KHDRBS2: variants seen among roughly 807,000 people sequenced by gnomAD.
The protein encoded by KHDRBS2 is KH RNA binding domain containing, signal transduction associated 2, also known as KH domain-containing, RNA-binding, signal transduction-associated protein 2.
A neutral mutation model predicts 44.3 loss-of-function variants in KHDRBS2; 26 were observed. The observed-to-expected ratio is 0.59, with a 90% CI of 0.43 to 0.81. The LOEUF (loss-of-function observed/expected upper bound fraction) is 0.81. KHDRBS2 is among the 40% of genes least tolerant of loss of function. The pLI, the probability that KHDRBS2 is intolerant of heterozygous loss-of-function variation, is 0.00. For synonymous variants in KHDRBS2, 194 were observed against 151.1 expected (o/e 1.28, Z -2.08); for missense variants, 476 against 433.1 (o/e 1.10, Z -0.88).
Position 61,957,374 on chromosome 6 carries a change from A to T in KHDRBS2, c.483+20692T>A, listed in dbSNP as rs1767613401. 2.6e-5 allele frequency among the ~76,000 whole-genome samples: 4 copies of T among 152,244 alleles called. No homozygotes were observed. In the South Asian group the frequency reaches 8.3e-4, roughly 32 times the overall value. ...TTAAACTCTTGACTGCCGGTGAGCC[A>T]GGTGGAACAGAGCCATATTTCTCTT... On this transcript the variant is annotated intron_variant, in intron 4 of 8. Coordinates refer to ENST00000281156, the MANE Select transcript of KHDRBS2 (RefSeq NM_152688.4).
At chr6:62,278,253 T>A (rs986246205) in intron 1 of KHDRBS2, among the ~76,000 whole-genome samples, 1 of 152,154 alleles carries the variant, frequency 6.6e-6, no homozygotes, top group Non-Finnish European at 1.5e-5. Flanking sequence ...CTCAAATAAG[T>A]GCAAAAGGAA....
chr6:61,930,132 C>G lies in KHDRBS2; in HGVS notation c.484-28761G>C, dbSNP rs1447530141. On this transcript the variant is annotated intron_variant, in intron 4 of 8. Coordinates refer to ENST00000281156, the MANE Select transcript of KHDRBS2 (RefSeq NM_152688.4). ...GCCACTTAAGGACACAGTATTCAGA[C>G]CCTGCAGAGGATGCTGGAACAAGAT... Among the ~76,000 whole-genome samples the G allele has an allele frequency of 2.0e-5, 3 of 152,018 alleles. No homozygotes were observed. In the East Asian group the frequency reaches 5.8e-4, roughly 29 times the overall value.
At chr6:61,744,307 A>G (rs1776575875) in intron 6 of KHDRBS2, among the ~76,000 whole-genome samples, 1 of 152,076 alleles carries the variant, frequency 6.6e-6, no homozygotes, top group Non-Finnish European at 1.5e-5. Context: ...TCCAGGTTAG[A>G]TGCCTGTACA....
chr6:61,724,728 G>C (rs1326506225), intron 7 of KHDRBS2, among the ~76,000 whole-genome samples: 1 of 152,066 alleles, frequency 6.6e-6, no homozygotes, highest in African/African-American at 2.4e-5. Context: ...AATACATAAT[G>C]GTAAAGGGTT....
chr6:62,053,622 A>C (rs1244519640), intron 2 of KHDRBS2, among the ~76,000 whole-genome samples: 1 of 152,008 alleles, frequency 6.6e-6, no homozygotes, highest in African/African-American at 2.4e-5. Context: ...AGGAAACATC[A>C]TCAGTCAATA....
rs57360690 is a variant in KHDRBS2 at position 62,018,299 on chromosome 6, ATGTGTGTGTGTGTGTGTGTGTG to A, written c.336+29557_336+29578del. On this transcript the variant is annotated intron_variant, in intron 3 of 8. Coordinates refer to ENST00000281156, the MANE Select transcript of KHDRBS2 (RefSeq NM_152688.4). ...GTATATTCACACACTATATATATATATGTGTGTGTGTGTGTGTGTGTGTGTGTGTGTGTGTGTGTGTCCTTAT... is the reference window on the plus strand; with the variant it reads ...GTATATTCACACACTATATATATATATGTGTGTGTGTGTGTGTGTCCTTAT... 7.5e-5 allele frequency among the ~76,000 whole-genome samples: 11 copies of A among 146,236 alleles called. No individual in the cohort carries two copies. The South Asian group carries it at 1.8e-3, about 24-fold the overall frequency.
intron 2 of KHDRBS2, among the ~76,000 whole-genome samples, chr6:62,124,211 G>T (rs1808409763): frequency 6.6e-6 from 1 of 152,170 alleles, no homozygotes; most frequent in Non-Finnish European, 1.5e-5. Context: ...GGCTTCAAGT[G>T]TCATACAGTA....
chr6:61,551,413 T>C, the KHDRBS2 span, among the ~76,000 whole-genome samples: 1 of 152,218 alleles, frequency 6.6e-6, no homozygotes, highest in African/African-American at 2.4e-5. Flanking sequence ...CAATTGCTTT[T>C]GGCATCATTG....
At chr6:62,213,441 A>G (rs1456111675) in intron 1 of KHDRBS2, among the ~76,000 whole-genome samples, 3 of 152,160 alleles carry the variant, frequency 2.0e-5, no homozygotes, top group South Asian at 2.1e-4. Context: ...TGAAAAGATA[A>G]AAGTCTTAAA....
intron 1 of KHDRBS2, among the ~76,000 whole-genome samples, chr6:62,231,713 A>G (rs1214753231): frequency 6.6e-6 from 1 of 152,206 alleles, no homozygotes; most frequent in East Asian, 1.9e-4. Context: ...TGTTTGCACT[A>G]CAGTTTAATT....
At chr6:62,128,054 G>T (rs905186886) in intron 2 of KHDRBS2, among the ~76,000 whole-genome samples, 1 of 152,056 alleles carries the variant, frequency 6.6e-6, no homozygotes, top group African/African-American at 2.4e-5. Context: ...CCCTTTACAT[G>T]ATTCTAATGC....
chr6:62,033,611 G>GA (rs1784736370), intron 3 of KHDRBS2, among the ~76,000 whole-genome samples: 2 of 150,374 alleles, frequency 1.3e-5, no homozygotes, highest in South Asian at 4.2e-4. Context: ...AGTATATCTG[G>GA]ATATATATAT....
chr6:61,552,797 C>T, the KHDRBS2 span, among the ~76,000 whole-genome samples: 2 of 152,090 alleles, frequency 1.3e-5, no homozygotes, highest in South Asian at 2.1e-4. Context: ...TAATGAATCA[C>T]ATTTGTTCAT....
intron 1 of KHDRBS2, among the ~76,000 whole-genome samples, chr6:62,273,838 C>A (rs1188959846): frequency 6.6e-6 from 1 of 152,162 alleles, no homozygotes; most frequent in African/African-American, 2.4e-5. Flanking sequence ...CTGACACTGT[C>A]ATTAACTAAT....
chr6:62,047,081 T>A (rs1584348340), intron 3 of KHDRBS2, among the ~76,000 whole-genome samples: 1 of 152,068 alleles, frequency 6.6e-6, no homozygotes, highest in East Asian at 1.9e-4. Context: ...ATTCTCATAC[T>A]CAAAAATAAA....
At chr6:62,058,775 GA>G (rs1223771453) in intron 2 of KHDRBS2, among the ~76,000 whole-genome samples, 4 of 151,604 alleles carry the variant, frequency 2.6e-5, no homozygotes, top group Non-Finnish European at 4.4e-5. Flanking sequence ...TTCTACCAAA[GA>G]AAACCAATCC....
the KHDRBS2 span, among the ~76,000 whole-genome samples, chr6:61,624,576 A>G: frequency 1.1e-4 from 16 of 152,330 alleles, no homozygotes; most frequent in African/African-American, 3.4e-4. Flanking sequence ...CATAACATCC[A>G]ACAAGAGGAA....
At chr6:62,142,322 T>G (rs1813002493) in intron 2 of KHDRBS2, among the ~76,000 whole-genome samples, 5 of 152,058 alleles carry the variant, frequency 3.3e-5, no homozygotes, top group African/African-American at 1.2e-4. Context: ...TTTTGATGGG[T>G]AGAAATGTGT....
chr6:61,568,318 C>T, the KHDRBS2 span, among the ~76,000 whole-genome samples: 8 of 152,072 alleles, frequency 5.3e-5, no homozygotes, highest in Non-Finnish European at 1.5e-5. Context: ...TCTTTGGCTG[C>T]TCAGGCTCTC....
Sources: gnomAD v4.1 joint callset for allele counts (sites outside exome capture counted in the v4.1 genomes callset) on GRCh38, gnomAD v4.1.1 for gene constraint, MANE v1.5 for transcripts, NCBI Gene and HGNC (gene_info 2026-07-23, HGNC 2026-07-21) for gene names.